Variants in CEMIP observed in about 807,000 individuals in gnomAD.
The protein encoded by CEMIP is cell migration-inducing and hyaluronan-binding protein.
Under a neutral mutation model 156.9 loss-of-function variants are expected in CEMIP, and 105 were observed. The observed-to-expected ratio is 0.67, with a 90% CI of 0.57 to 0.79. CEMIP has a LOEUF of 0.79. Ranked by LOEUF, CEMIP falls within the 30% of genes least tolerant of loss-of-function variation. The probability of loss-of-function intolerance (pLI) is 0.00; values close to 1 mark genes in which losing one functional copy is unlikely to be tolerated. For missense variants in CEMIP, 1,457 were observed against 1,769.4 expected, an observed-to-expected ratio of 0.82 and a Z score of 3.17; for synonymous variants, 676 against 668.4, an observed-to-expected ratio of 1.01 and a Z score of -0.17.
chr15:80,795,105 A>T (rs1285473405), intron 1 of CEMIP, among the ~76,000 whole-genome samples: 3 of 151,896 alleles, frequency 2.0e-5, no homozygotes, highest in African/African-American at 7.3e-5. Flanking sequence ...GCAAGGCAGG[A>T]CTGAAGGGGA....
chr15:80,926,359 G>A (rs928523249), intron 19 of CEMIP, among the ~76,000 whole-genome samples: 3 of 152,264 alleles, frequency 2.0e-5, no homozygotes, highest in African/African-American at 7.2e-5. Context: ...GGCACAGGCA[G>A]TGGAGCTGGG....
chr15:80,857,680 T>C (rs1048055497), intron 1 of CEMIP, among the ~76,000 whole-genome samples: 5 of 152,186 alleles, frequency 3.3e-5, no homozygotes, highest in African/African-American at 1.2e-4. Flanking sequence ...TCTTGGGTGA[T>C]GCTGATGTTG....
intron 15 of CEMIP, 118 bp from the exon 16 acceptor site, chr15:80,920,914 G>C (rs1459656558): frequency 3.8e-6 from 3 of 781,008 alleles, no homozygotes; most frequent in African/African-American, 1.7e-5. Flanking sequence ...TGATTTCTCA[G>C]ATCTCTGATA....
At chr15:80,934,969 A>C (rs1419633132) in intron 23 of CEMIP, among the ~76,000 whole-genome samples, 1 of 152,208 alleles carries the variant, frequency 6.6e-6, no homozygotes, top group Non-Finnish European at 1.5e-5. Context: ...AAATGTTGAC[A>C]AGAAGCTTGT....
At chr15:80,914,537 A>G (rs2141906489) in intron 14 of CEMIP, among the ~76,000 whole-genome samples, 1 of 152,292 alleles carries the variant, frequency 6.6e-6, no homozygotes, top group East Asian at 1.9e-4. Flanking sequence ...CCCCAGGGAC[A>G]CATCCTCCCT....
chr15:80,918,583 G>A (rs1900358986), intron 14 of CEMIP, among the ~76,000 whole-genome samples: 1 of 152,220 alleles, frequency 6.6e-6, no homozygotes, highest in Non-Finnish European at 1.5e-5. Flanking sequence ...GCTTGGCATG[G>A]TGGCAGGTAC....
chr15:80,800,235 G>C (rs1174900874), intron 1 of CEMIP, among the ~76,000 whole-genome samples: 1 of 151,934 alleles, frequency 6.6e-6, no homozygotes, highest in African/African-American at 2.4e-5. Flanking sequence ...CCATCCTCTG[G>C]GTTTCCAGAG....
intron 19 of CEMIP, among the ~76,000 whole-genome samples, chr15:80,928,693 G>A (rs2034244711): frequency 6.6e-6 from 1 of 152,156 alleles, no homozygotes; most frequent in Admixed American, 6.5e-5. Flanking sequence ...TCTCTCTAGA[G>A]TCAGAGTGGG....
chr15:80,852,698 C>CT (rs1345173394), intron 1 of CEMIP, among the ~76,000 whole-genome samples: 3 of 152,176 alleles, frequency 2.0e-5, no homozygotes, highest in Non-Finnish European at 2.9e-5. Context: ...GTCTCACCCC[C>CT]TCCCTTTTCC....
intron 6 of CEMIP, among the ~76,000 whole-genome samples, chr15:80,882,007 G>C (rs1898677197): frequency 6.6e-6 from 1 of 152,164 alleles, no homozygotes; most frequent in Admixed American, 6.5e-5. Flanking sequence ...GCCCTTTAGA[G>C]GGAAGGACAG....
At chr15:80,896,540 A>C (rs1404936929) in intron 12 of CEMIP, among the ~76,000 whole-genome samples, 3 of 152,264 alleles carry the variant, frequency 2.0e-5, no homozygotes, top group Non-Finnish European at 4.4e-5. Flanking sequence ...ACAGTTATTC[A>C]ATCTACTACA....
intron 23 of CEMIP, among the ~76,000 whole-genome samples, chr15:80,933,904 T>G (rs933935010): frequency 1.3e-5 from 2 of 152,372 alleles, no homozygotes; most frequent in Non-Finnish European, 2.9e-5. Flanking sequence ...TTAAATTTTC[T>G]GGTAGCCATG....
chr15:80,791,873 G>A (rs1896090274), intron 1 of CEMIP, among the ~76,000 whole-genome samples: 2 of 152,222 alleles, frequency 1.3e-5, no homozygotes, highest in Non-Finnish European at 1.5e-5. Flanking sequence ...CTTTGGGGAG[G>A]AGGGAGTAGT....
chr15:80,920,162 C>G lies in CEMIP; in HGVS notation c.1866C>G (p.Arg622=). Reference sequence around the variant, plus strand: ...TCACGGAAGATGGGCCGGAGGAACGCAACACTTTTGACCACTGTCTTGGCC... The same window carrying G: ...TCACGGAAGATGGGCCGGAGGAACGGAACACTTTTGACCACTGTCTTGGCC... ...CFFTEDGPEE[R]NTFDHCLGLL... is the part of the protein sequence containing the mutation. Residue 622 remains arginine, a synonymous_variant, in exon 15 of 30, where the codon CGC becomes CGG. Coordinates refer to ENST00000394685, the MANE Select transcript of CEMIP (RefSeq NM_001293298.2). 6.2e-7 allele frequency: 1 copy of G among 1,614,182 alleles called. No individual in the cohort carries two copies. Among genetic ancestry groups the G allele is most frequent in the Non-Finnish European group, 8.5e-7 (1 of 1,180,024 alleles).
chr15:80,819,330 G>A (rs1035924015), intron 1 of CEMIP, among the ~76,000 whole-genome samples: 1 of 152,182 alleles, frequency 6.6e-6, no homozygotes, highest in Admixed American at 6.5e-5. Flanking sequence ...GAGACAGGAA[G>A]TTGATTCCAC....
At chr15:80,897,715 T>C (rs1419719356) in intron 12 of CEMIP, among the ~76,000 whole-genome samples, 1 of 152,148 alleles carries the variant, frequency 6.6e-6, no homozygotes, top group Non-Finnish European at 1.5e-5. Context: ...CAAGTCCAAG[T>C]AAATCTGGCA....
chr15:80,823,220 T>A (rs1334797720), intron 1 of CEMIP, among the ~76,000 whole-genome samples: 1 of 152,186 alleles, frequency 6.6e-6, no homozygotes, highest in Admixed American at 6.5e-5. Context: ...AGTCTCGGCC[T>A]GTGTGGTTTT....
intron 25 of CEMIP, among the ~76,000 whole-genome samples, chr15:80,939,084 G>T (rs1035395705): frequency 7.2e-5 from 11 of 152,200 alleles, no homozygotes; most frequent in African/African-American, 2.7e-4. Flanking sequence ...GCCAGCTGGG[G>T]GCAGACAAGC....
At chr15:80,836,073 A>ATTT (rs55996446) in intron 1 of CEMIP, among the ~76,000 whole-genome samples, 1 of 134,738 alleles carries the variant, frequency 7.4e-6, no homozygotes, top group African/African-American at 2.7e-5. Context: ...GACGGAAGTG[A>ATTT]TTTTTTTTTT....
Sources: allele counts gnomAD v4.1 joint callset (sites outside exome capture counted in the v4.1 genomes callset), GRCh38; gene constraint gnomAD v4.1.1; transcripts MANE v1.5; gene names NCBI Gene and HGNC (gene_info 2026-07-23, HGNC 2026-07-21).